Variants in MLIP observed in about 807,000 individuals in gnomAD.
MLIP encodes muscular LMNA-interacting protein.
A neutral mutation model predicts 84.8 loss-of-function variants in MLIP; 79 were observed. The observed-to-expected ratio is 0.93, with a 90% confidence interval of 0.78 to 1.12. MLIP has a LOEUF of 1.12. Among genes scored for constraint, MLIP ranks in the 50% most tolerant of loss-of-function variants. MLIP has a pLI of 0.00. For synonymous variants in MLIP, 504 were observed against 463.0 expected (o/e 1.09, Z -1.14); for missense variants, 1,257 against 1,160.6 (o/e 1.08, Z -1.21).
chr6:54,063,833 G>A (rs546702626), intron 1 of MLIP, among the ~76,000 whole-genome samples: 1 of 152,048 alleles, frequency 6.6e-6, no homozygotes, highest in Non-Finnish European at 1.5e-5. Flanking sequence ...TGTCCTTAGA[G>A]AATTCATTGT....
chr6:54,231,533 G>A (rs1231440068), intron 12 of MLIP, among the ~76,000 whole-genome samples: 1 of 152,074 alleles, frequency 6.6e-6, no homozygotes, highest in Non-Finnish European at 1.5e-5. Context: ...AATATTTATA[G>A]TTGGCTTTGG....
chr6:54,229,967 C>T (rs1005457703), intron 11 of MLIP, among the ~76,000 whole-genome samples: 5 of 152,076 alleles, frequency 3.3e-5, no homozygotes, highest in African/African-American at 1.2e-4. Flanking sequence ...GATTTCCTTG[C>T]TCCATTCACA....
chr6:54,222,203 A>G (rs1468019813), intron 11 of MLIP, among the ~76,000 whole-genome samples: 2 of 152,074 alleles, frequency 1.3e-5, no homozygotes, highest in Non-Finnish European at 2.9e-5. Context: ...TTATTATACT[A>G]TTATTGTTGT....
intron 1 of MLIP, among the ~76,000 whole-genome samples, chr6:54,061,871 T>C (rs957979854): frequency 6.6e-6 from 1 of 152,162 alleles, no homozygotes; most frequent in African/African-American, 2.4e-5. Context: ...GAAGTCCTAT[T>C]TTGGTTATAG....
chr6:54,123,511 T>G (rs529924618), intron 2 of MLIP, among the ~76,000 whole-genome samples: 84 of 152,354 alleles, frequency 5.5e-4, no homozygotes, highest in Non-Finnish European at 8.1e-4. Flanking sequence ...TGTGGGTGTA[T>G]AAAATCAACT....
At chr6:54,050,466 A>G (rs1302080713) in intron 1 of MLIP, among the ~76,000 whole-genome samples, 5 of 152,116 alleles carry the variant, frequency 3.3e-5, no homozygotes, top group East Asian at 1.9e-4. Context: ...ACATTTGAAC[A>G]TTATTGTTCT....
rs193010121 is a variant in MLIP, at chr6:54,112,311, A to T, written c.96+736A>T. ...TTCTCTCCTAAACAAGGGATTAAATAGTCTACTGGCTAATATGTGGCTCTT... is the reference window on the plus strand; with the variant it reads ...TTCTCTCCTAAACAAGGGATTAAATTGTCTACTGGCTAATATGTGGCTCTT... On this transcript the variant is annotated intron_variant, in intron 1 of 13. Coordinates refer to ENST00000502396, the MANE Select transcript of MLIP (RefSeq NM_001281747.2). 2.4e-3 allele frequency among the ~76,000 whole-genome samples: 368 copies of T among 152,356 alleles called. 2 individuals are homozygous for T. The highest frequency in any genetic ancestry group is 2.9e-3 in the Admixed American group (44 of 15,310).
intron 1 of MLIP, among the ~76,000 whole-genome samples, chr6:54,118,579 G>A (rs1023902947): frequency 2.6e-5 from 4 of 152,250 alleles, no homozygotes; most frequent in South Asian, 4.2e-4. Flanking sequence ...AAAACATAGC[G>A]GGAAAGTTCT....
At chr6:54,064,032 A>C (rs1766132559) in intron 1 of MLIP, among the ~76,000 whole-genome samples, 1 of 97,814 alleles carries the variant, frequency 1.0e-5, no homozygotes, top group Non-Finnish European at 3.0e-5. Flanking sequence ...AGTATTGATG[A>C]TCCTTATTTT....
chr6:54,084,225 CTT>C (rs2150361517), intron 1 of MLIP, among the ~76,000 whole-genome samples: 1 of 152,254 alleles, frequency 6.6e-6, no homozygotes, highest in South Asian at 2.1e-4. Flanking sequence ...TTTGTACACT[CTT>C]TAGTTGAAGC....
chr6:54,122,504 TG>T (rs1201527309), intron 2 of MLIP, among the ~76,000 whole-genome samples: 1 of 152,196 alleles, frequency 6.6e-6, no homozygotes, highest in African/African-American at 2.4e-5. Context: ...AAAATGAGAT[TG>T]GGGCAACTTT....
chr6:54,083,667 A>G, intron 1 of MLIP: 1 of 1,523,750 alleles, frequency 6.6e-7, no homozygotes. Context: ...TCACCCTGTT[A>G]TACATTTAAC....
intron 9 of MLIP, among the ~76,000 whole-genome samples, chr6:54,184,589 G>C (rs1281196165): frequency 2.0e-5 from 3 of 152,024 alleles, no homozygotes; most frequent in Admixed American, 2.0e-4. Context: ...TTGGGCAAGT[G>C]GTGCCTTGTG....
At chr6:54,133,287 A>G (rs964555893) in intron 3 of MLIP, among the ~76,000 whole-genome samples, 1 of 152,194 alleles carries the variant, frequency 6.6e-6, no homozygotes, top group African/African-American at 2.4e-5. Flanking sequence ...ACCAGAAAAG[A>G]TTATTTAATG....
upstream of MLIP, among the ~76,000 whole-genome samples, chr6:54,109,152 C>A (rs568331514): frequency 6.6e-6 from 1 of 150,836 alleles, no homozygotes; most frequent in African/African-American, 2.4e-5. Flanking sequence ...ATGAATATTT[C>A]CATTTCTGTT....
Position 54,137,519 on chromosome 6 carries a change from T to C in MLIP, c.1450T>C (p.Ser484Pro). ...GSPDQGELQV[S>P]ELTQQSFHLP... The stretch of plus-strand genomic sequence containing the variant: ...ACCAGATCAAGGGGAACTCCAGGTT[T>C]CTGAATTGACCCAGCAATCTTTTCA... The change falls in exon 4 of 14, where the codon TCT (serine) becomes CCT (proline). Residue 484 changes from serine to proline, a missense_variant. Transcript: ENST00000502396. 1 of 1,536,094 alleles carries C rather than the reference T, an allele frequency of 6.5e-7. No individual in the cohort carries two copies.
chr6:54,259,279 A>C (rs1783227376), intron 13 of MLIP, among the ~76,000 whole-genome samples: 2 of 151,856 alleles, frequency 1.3e-5, no homozygotes, highest in Admixed American at 1.3e-4. Context: ...GTGAAAAATT[A>C]GAAAAATATA....
At chr6:54,098,197 C>T (rs927966911) in intron 1 of MLIP, among the ~76,000 whole-genome samples, 2 of 146,592 alleles carry the variant, frequency 1.4e-5, no homozygotes, top group African/African-American at 5.0e-5. Flanking sequence ...AAAATTTTAC[C>T]CAGGCTGGAG....
chr6:54,160,919 CT>C, intron 8 of MLIP, 120 bp downstream of exon 8: 2 of 768,918 alleles, frequency 2.6e-6, no homozygotes, highest in East Asian at 2.7e-5. Context: ...AGCAATCAGT[CT>C]TTTTTGTAGA....
Sources: gnomAD v4.1 joint callset for allele counts (sites outside exome capture counted in the v4.1 genomes callset) on GRCh38, gnomAD v4.1.1 for gene constraint, MANE v1.5 for transcripts, NCBI Gene and HGNC (gene_info 2026-07-23, HGNC 2026-07-21) for gene names.